The following RGS7 variants were observed in gnomAD, a reference collection of about 807,000 sequenced individuals.
The protein encoded by RGS7 is regulator of G protein signaling 7.
A neutral mutation model predicts 81.1 loss-of-function variants in RGS7; 27 were observed. The ratio of observed to expected loss-of-function variants is 0.33; its 90% CI spans 0.25 to 0.46. The LOEUF is 0.46. Among genes scored for constraint, RGS7 ranks in the 20% least tolerant of loss-of-function variants. RGS7 has a pLI of 1.00. For missense variants in RGS7, 396 were observed against 607.4 expected (o/e 0.65, Z 3.66); for synonymous variants, 208 against 207.7 (o/e 1.00, Z -0.01).
At chr1:241,247,630 G>T (rs2076610736) in intron 2 of RGS7, among the ~76,000 whole-genome samples, 1 of 151,950 alleles carries the variant, frequency 6.6e-6, no homozygotes, top group African/African-American at 2.4e-5. Context: ...TGGTATGCAT[G>T]GCCACCAAGG....
intron 3 of RGS7, among the ~76,000 whole-genome samples, chr1:241,095,033 AT>A (rs956095483): frequency 4.6e-5 from 7 of 151,946 alleles, no homozygotes; most frequent in South Asian, 4.2e-4. Flanking sequence ...CCCAAGTAAA[AT>A]TTTTTTTAAA....
intron 3 of RGS7, among the ~76,000 whole-genome samples, chr1:241,091,091 G>A (rs2063840630): frequency 6.6e-6 from 1 of 152,272 alleles, no homozygotes; most frequent in East Asian, 1.9e-4. Context: ...TGAACTCTCT[G>A]ACCCTCTATT....
At chr1:241,036,547 C>T (rs201178966) in intron 3 of RGS7, among the ~76,000 whole-genome samples, 1 of 152,188 alleles carries the variant, frequency 6.6e-6, no homozygotes. Flanking sequence ...CCCATGCTTA[C>T]ACAATTAGCA....
At chr1:241,108,080 G>C (rs1297922678) in intron 2 of RGS7, among the ~76,000 whole-genome samples, 1 of 122,704 alleles carries the variant, frequency 8.1e-6, no homozygotes, top group Non-Finnish European at 1.6e-5. Flanking sequence ...GGATCACAAG[G>C]TCAGGAGTTT....
At chr1:241,056,172 C>A (rs1474170234) in intron 3 of RGS7, among the ~76,000 whole-genome samples, 1 of 152,162 alleles carries the variant, frequency 6.6e-6, no homozygotes, top group Admixed American at 6.6e-5. Context: ...CAAGCTCACC[C>A]CTGCCTCAGG....
rs902852948 is a variant in RGS7 at position 241,271,909 on chromosome 1, G to A, written c.78+83790C>T. 6.6e-6 allele frequency among the ~76,000 whole-genome samples: 1 copy of A among 151,200 alleles called. No individual in the cohort carries two copies. The highest frequency in any genetic ancestry group is 2.4e-5 in the African/African-American group (1 of 41,124). ...CGTGTGTGTGTGTGTGTGTGTGTGTGTGTGTGTGTGTGTGTGTGTGTGTAG... is the reference window on the plus strand; with the variant it reads ...CGTGTGTGTGTGTGTGTGTGTGTGTATGTGTGTGTGTGTGTGTGTGTGTAG... On this transcript the variant is annotated intron_variant, in intron 2 of 18. Transcript: ENST00000440928. This position sits in a 1 kb window ranked among gnomAD's most constrained non-coding sequence, Gnocchi z 4.6.
chr1:241,272,730 C>G (rs2077982422), intron 2 of RGS7, among the ~76,000 whole-genome samples: 1 of 152,100 alleles, frequency 6.6e-6, no homozygotes, highest in Admixed American at 6.5e-5. Flanking sequence ...TCTCAAGTAG[C>G]CTTTTTCATT....
intron 6 of RGS7, among the ~76,000 whole-genome samples, chr1:240,882,185 G>A (rs1302603157): frequency 1.3e-5 from 2 of 152,182 alleles, no homozygotes; most frequent in African/African-American, 4.8e-5. Context: ...AAACTGCTGG[G>A]ATTACAAGCA....
At chr1:241,022,839 G>A (rs2059606428) in intron 3 of RGS7, among the ~76,000 whole-genome samples, 1 of 152,066 alleles carries the variant, frequency 6.6e-6, no homozygotes, top group South Asian at 2.1e-4. Context: ...AGAACCCATT[G>A]GGTAGTTGCA....
intron 2 of RGS7, among the ~76,000 whole-genome samples, chr1:241,199,054 C>T (rs2073290820): frequency 6.6e-6 from 1 of 151,536 alleles, no homozygotes; most frequent in African/African-American, 2.4e-5. Flanking sequence ...TGTAATTCAC[C>T]ATATGAAGAG....
chr1:241,322,502 T>A (rs1347936376), intron 2 of RGS7, among the ~76,000 whole-genome samples: 2 of 152,244 alleles, frequency 1.3e-5, no homozygotes, highest in South Asian at 4.1e-4. Flanking sequence ...GATTCTCATA[T>A]AAAGAAAGAG....
intron 2 of RGS7, among the ~76,000 whole-genome samples, chr1:241,348,087 A>C (rs908414172): frequency 4.6e-5 from 7 of 152,350 alleles, no homozygotes; most frequent in Admixed American, 4.6e-4. Context: ...TTAAATTTGA[A>C]TTAATTAAAA....
chr1:241,180,168 G>A (rs181870309), intron 2 of RGS7, among the ~76,000 whole-genome samples: 1 of 152,134 alleles, frequency 6.6e-6, no homozygotes, highest in Non-Finnish European at 1.5e-5. Context: ...AGGTCAGATC[G>A]AGACCATCAT....
At chr1:241,267,350 G>A (rs929029754) in intron 2 of RGS7, among the ~76,000 whole-genome samples, 2 of 152,200 alleles carry the variant, frequency 1.3e-5, no homozygotes, top group South Asian at 2.1e-4. Context: ...GGACTACTCC[G>A]TTGCCTTCTA....
chr1:241,157,961 C>T (rs1307572184), intron 2 of RGS7, among the ~76,000 whole-genome samples: 4 of 151,362 alleles, frequency 2.6e-5, no homozygotes, highest in Admixed American at 1.3e-4. Context: ...TGACTACAGG[C>T]GCCCGCCACC....
In RGS7 at chr1:241,163,285, G is replaced by C. The variant is rs2069885418; in HGVS notation, c.79-64523C>G. ...CTAGGGCTCAGTAGCTTTTTGTGGA[G>C]ATGACTGCATAGCACCCCTCTTTTC... On this transcript the variant is annotated intron_variant, in intron 2 of 18. Transcript: ENST00000440928. This position sits in a 1 kb window ranked among gnomAD's most constrained non-coding sequence, Gnocchi z 4.6. 6.6e-6 allele frequency among the ~76,000 whole-genome samples: 1 copy of C among 152,134 alleles called. No homozygotes were observed. Among genetic ancestry groups the C allele is most frequent in the Non-Finnish European group, 1.5e-5 (1 of 68,020 alleles).
intron 2 of RGS7, among the ~76,000 whole-genome samples, chr1:241,139,213 T>C: frequency 6.6e-6 from 1 of 150,392 alleles, no homozygotes; most frequent in African/African-American, 2.4e-5. Context: ...CCTTTCTTCC[T>C]CCCTTCCTTC....
chr1:240,907,843 C>T (rs1274234603), intron 6 of RGS7, among the ~76,000 whole-genome samples: 4 of 152,142 alleles, frequency 2.6e-5, no homozygotes, highest in African/African-American at 9.7e-5. Flanking sequence ...GGCGTCTTGT[C>T]GGCCTTAACC....
At chr1:241,025,287 T>C (rs1421040607) in intron 3 of RGS7, among the ~76,000 whole-genome samples, 1 of 152,230 alleles carries the variant, frequency 6.6e-6, no homozygotes, top group Non-Finnish European at 1.5e-5. Flanking sequence ...AGTGTGGTAA[T>C]TAGATAGTGC....
Sources: gnomAD v4.1 joint callset for allele counts (sites outside exome capture counted in the v4.1 genomes callset) on GRCh38, gnomAD v4.1.1 for gene constraint, Gnocchi (gnomAD v3.1) non-coding constraint, MANE v1.5 for transcripts, NCBI Gene and HGNC (gene_info 2026-07-23, HGNC 2026-07-21) for gene names.